BAG3: variants seen among roughly 807,000 people sequenced by gnomAD.
BAG3 encodes BAG cochaperone 3.
BAG3 carries 14 observed loss-of-function variants against 40.5 expected under a neutral mutation model. That is an observed-to-expected ratio of 0.35 (90% CI 0.23 to 0.54). The LOEUF is 0.54. Among genes scored for constraint, BAG3 ranks in the 20% least tolerant of loss-of-function variants. The probability of loss-of-function intolerance (pLI) is 0.91; values close to 1 mark genes in which losing one functional copy is unlikely to be tolerated. For missense variants in BAG3, 788 were observed against 758.6 expected (o/e 1.04, Z -0.46); for synonymous variants, 302 against 307.8 (o/e 0.98, Z 0.20).
intron 3 of BAG3, among the ~76,000 whole-genome samples, chr10:119,674,279 T>G (rs1015412991): frequency 1.3e-5 from 2 of 152,210 alleles, no homozygotes; most frequent in Non-Finnish European, 2.9e-5. Context: ...ATGTCTGCAT[T>G]GGCGAAAGAG....
intron 3 of BAG3, among the ~76,000 whole-genome samples, chr10:119,675,800 CCT>C (rs1847215336): frequency 2.1e-4 from 9 of 42,024 alleles, no homozygotes; most frequent in African/African-American, 3.4e-4. Context: ...CCCCCCTTCC[CCT>C]TCCCCCCTTC....
intron 1 of BAG3, among the ~76,000 whole-genome samples, chr10:119,665,144 ATT>A (rs1161102936): frequency 1.1e-5 from 1 of 88,792 alleles, no homozygotes; most frequent in East Asian, 2.6e-4. Flanking sequence ...ATATATATAT[ATT>A]TTTTTTTTTA....
At chr10:119,651,944 G>A in intron 1 of BAG3, 89 bp downstream of exon 1, 2 of 1,151,770 alleles carry the variant, frequency 1.7e-6, no homozygotes, top group Non-Finnish European at 2.2e-6. Context: ...GACGCGAGGC[G>A]GCGGGGCCCG....
At position 119,677,557 on chromosome 10, in the gene BAG3, C is replaced by A; in HGVS notation, c.*275C>A. Reference sequence around the variant, plus strand: ...AGCCCTGTCTACTTGGGCACCCCCACCACCTGTTAGCTGTGGTTGTGCACT... The same window carrying A: ...AGCCCTGTCTACTTGGGCACCCCCAACACCTGTTAGCTGTGGTTGTGCACT... On this transcript the variant is annotated 3_prime_UTR_variant, in exon 4 of 4. Transcript: ENST00000369085. 1.9e-6 allele frequency: 1 copy of A among 525,516 alleles called. No individual in the cohort carries two copies. The highest frequency in any genetic ancestry group is 3.4e-6 in the Non-Finnish European group (1 of 292,490). 32.6% of individuals were successfully genotyped at this position (525,516 alleles called of 1,614,324 possible). A position where few individuals can be genotyped will look rare whatever the true frequency, so the allele number is the denominator to read the frequency against.
rs79502356 is a variant in BAG3 at position 119,653,340 on chromosome 10, G to C, written c.180+1485G>C. ...CAAACCACCTTTCTTAGGAGTCTGCGTGGATGTACATGATCTTTAGTGTGG... is the reference window on the plus strand; with the variant it reads ...CAAACCACCTTTCTTAGGAGTCTGCCTGGATGTACATGATCTTTAGTGTGG... On this transcript the variant is annotated intron_variant, in intron 1 of 3. Coordinates refer to ENST00000369085, the MANE Select transcript of BAG3 (RefSeq NM_004281.4). Among the ~76,000 whole-genome samples the C allele has an allele frequency of 9.1e-3, 1,386 of 152,266 alleles. 14 individuals carry two copies. The highest frequency in any genetic ancestry group is 0.025 in the African/African-American group (1,033 of 41,542).
intron 3 of BAG3, among the ~76,000 whole-genome samples, chr10:119,674,517 T>C (rs1847192781): frequency 6.6e-6 from 1 of 152,238 alleles, no homozygotes; most frequent in South Asian, 2.1e-4. Flanking sequence ...TTGGGAGGCT[T>C]TCCAGGATTT....
At chr10:119,676,339 T>G (rs1283470805) in intron 3 of BAG3, 125 bp from the exon 4 acceptor site, 2 of 972,606 alleles carry the variant, frequency 2.1e-6, no homozygotes. Flanking sequence ...TTGAAAATCT[T>G]TTATACTATT....
intron 3 of BAG3, among the ~76,000 whole-genome samples, chr10:119,674,766 C>T (rs1847196383): frequency 6.6e-6 from 1 of 151,358 alleles, no homozygotes; most frequent in Non-Finnish European, 1.5e-5. Flanking sequence ...GTCAGGAGTT[C>T]AAGACTAGCC....
rs1321709502 is a variant in BAG3 at position 119,656,595 on chromosome 10, ATTCATCTGTATGC to A, written c.180+4741_180+4753del. 3 of 152,158 alleles carry A rather than the reference ATTCATCTGTATGC, an allele frequency of 2.0e-5. No individual in the cohort carries two copies. The East Asian group carries it at 5.8e-4, about 29-fold the overall frequency. 9.4% of individuals were successfully genotyped at this position (152,158 alleles called of 1,614,324 possible). On this transcript the variant is annotated intron_variant, in intron 1 of 3. Transcript: ENST00000369085. The stretch of plus-strand genomic sequence containing the variant: ...GAGCCCCTTGTTTTGCAGGTGCAGG[ATTCATCTGTATGC>A]ATCATGTGGCACATGTGATACCATG...
At chr10:119,657,910 A>G (rs1337329629) in intron 1 of BAG3, among the ~76,000 whole-genome samples, 1 of 152,218 alleles carries the variant, frequency 6.6e-6, no homozygotes, top group African/African-American at 2.4e-5. Flanking sequence ...GACACCGTAT[A>G]CGTGAAGGTT....
In BAG3 at chr10:119,677,275, C is replaced by A; in HGVS notation, c.1721C>A (p.Ala574Glu). 1 of 1,613,978 alleles carries A rather than the reference C, an allele frequency of 6.2e-7. No individual in the cohort carries two copies. Among genetic ancestry groups the A allele is most frequent in the Middle Eastern group, 1.7e-4 (1 of 5,908 alleles). The change falls in exon 4 of 4, where the codon GCA (alanine) becomes GAA (glutamate). Residue 574 changes from alanine (A) to glutamate (E), a missense_variant. Physicochemically the swap from Ala to Glu is moderately radical, Grantham distance 107 (BLOSUM62 -1). Transcript: ENST00000369085. ...SMTDTPGNPA[A>E]P Reference sequence around the variant, plus strand: ...ACAGACACCCCTGGTAACCCAGCAGCACCGTAGCCTCTGCCCTGTAAAAAT... The same window carrying A: ...ACAGACACCCCTGGTAACCCAGCAGAACCGTAGCCTCTGCCCTGTAAAAAT...
At chr10:119,658,264 G>T (rs921032868) in intron 1 of BAG3, among the ~76,000 whole-genome samples, 1 of 152,250 alleles carries the variant, frequency 6.6e-6, no homozygotes, top group African/African-American at 2.4e-5. Context: ...AGAAAAGCCA[G>T]CCCCTTCGCT....
In BAG3 at chr10:119,672,214, T is replaced by G; in HGVS notation, c.508-41T>G. ...TGGTCAGGATGCCAAGCCAGGGGAG[T>G]CATTTGTGGGGTCATGCCCTCTACC... On this transcript the variant is annotated intron_variant, in intron 2 of 3. Transcript: ENST00000369085. The surrounding 1 kb of genome is among the most constrained non-coding windows in gnomAD (Gnocchi z 4.8). The G allele has an allele frequency of 6.2e-7, 1 of 1,607,878 alleles. No individual in the cohort carries two copies. The highest frequency in any genetic ancestry group is 8.5e-7 in the Non-Finnish European group (1 of 1,179,730).
intron 1 of BAG3, among the ~76,000 whole-genome samples, chr10:119,661,963 A>T (rs1418153089): frequency 6.6e-6 from 1 of 152,156 alleles, no homozygotes; most frequent in East Asian, 1.9e-4. Flanking sequence ...GGGCAGTAAT[A>T]CTTAATTCAT....
intron 1 of BAG3, 133 bp downstream of exon 1, chr10:119,651,988 G>T: frequency 1.4e-6 from 1 of 730,026 alleles, no homozygotes; most frequent in Non-Finnish European, 1.8e-6. Context: ...GGCGGACACC[G>T]GCTCCGCGCC....
rs727502894 is a variant in BAG3 at position 119,651,672 on chromosome 10, C to T, written c.-4C>T. On this transcript the variant is annotated 5_prime_UTR_variant, in exon 1 of 4. Coordinates refer to ENST00000369085, the MANE Select transcript of BAG3 (RefSeq NM_004281.4). ...GCGCCCCAGCGGGCAGACCCCAACC[C>T]AGCATGAGCGCCGCCACCCACTCGC... 153 of 1,577,202 alleles carry T rather than the reference C, an allele frequency of 9.7e-5. No individual in the cohort carries two copies. The highest frequency in any genetic ancestry group is 1.3e-4 in the Non-Finnish European group (149 of 1,163,174).
At position 119,672,197 on chromosome 10, in the gene BAG3, A is replaced by G. The variant is rs1342352759; in HGVS notation, c.508-58A>G. ...GTGCACAGCAGAAGGCGTGGTCAGG[A>G]TGCCAAGCCAGGGGAGTCATTTGTG... On this transcript the variant is annotated intron_variant, in intron 2 of 3. Coordinates refer to ENST00000369085, the MANE Select transcript of BAG3 (RefSeq NM_004281.4). This position sits in a 1 kb window ranked among gnomAD's most constrained non-coding sequence, Gnocchi z 4.8. 11 of 1,603,708 alleles carry G rather than the reference A, an allele frequency of 6.9e-6. No individual in the cohort carries two copies. The highest frequency in any genetic ancestry group is 9.3e-6 in the Non-Finnish European group (11 of 1,177,592).
chr10:119,655,857 A>G (rs895724346), intron 1 of BAG3, among the ~76,000 whole-genome samples: 3 of 151,644 alleles, frequency 2.0e-5, no homozygotes, highest in Non-Finnish European at 2.9e-5. Flanking sequence ...TTTGCCCTTT[A>G]TGAGGGTGGA....
In BAG3 at chr10:119,651,828, C is replaced by G. The variant is rs771379373; in HGVS notation, c.153C>G (p.Asp51Glu). The stretch of plus-strand genomic sequence containing the variant: ...ACAGCCGCACCACTACGTGGAACGA[C>G]CCGCGCGTGCCCTCTGAGGGCCCCA... ...DHNSRTTTWN[D>E]PRVPSEGPKE... is the part of the protein sequence containing the mutation. Residue 51 changes from aspartate (D) to glutamate (E), a missense_variant, in exon 1 of 4, where the codon GAC (aspartate) becomes GAG (glutamate). Transcript: ENST00000369085. 1 of 1,589,030 alleles carries G rather than the reference C, an allele frequency of 6.3e-7. No homozygotes were observed. The highest frequency in any genetic ancestry group is 1.1e-5 in the South Asian group (1 of 88,156).
Sources: gnomAD v4.1 joint callset for allele counts (sites outside exome capture counted in the v4.1 genomes callset) on GRCh38, gnomAD v4.1.1 for gene constraint, Gnocchi (gnomAD v3.1) non-coding constraint, MANE v1.5 for transcripts, NCBI Gene and HGNC (gene_info 2026-07-23, HGNC 2026-07-21) for gene names.